ZNF462: variants seen among roughly 807,000 people sequenced by gnomAD.
ZNF462 encodes the protein zinc finger protein 462.
A neutral mutation model predicts 201.9 loss-of-function variants in ZNF462; 10 were observed. The ratio of observed to expected loss-of-function variants is 0.05; its 90% CI spans 0.03 to 0.08. The LOEUF is 0.08. Among genes scored for constraint, ZNF462 ranks in the 10% least tolerant of loss-of-function variants. ZNF462 has a pLI of 1.00. For missense variants in ZNF462, 2,523 were observed against 3,168.3 expected (o/e 0.80, Z 4.89); for synonymous variants, 1,227 against 1,193.3 (o/e 1.03, Z -0.58).
intron 1 of ZNF462, among the ~76,000 whole-genome samples, chr9:106,893,329 A>G (rs77123147): frequency 6.6e-6 from 1 of 152,332 alleles, no homozygotes; most frequent in African/African-American, 2.4e-5. Flanking sequence ...GTAGTCTTTT[A>G]AAGGAAGTTG....
At position 106,928,799 on chromosome 9, in the gene ZNF462, T is replaced by C; in HGVS notation, c.4887T>C (p.Pro1629=). ...CCGAGATGACCACTGAAGTGAGCCC[T>C]TCCCAAGTCTCCATCACTGAGGAGG... ...LEPEMTTEVS[P]SQVSITEEEV... The change falls in exon 3 of 13, where the codon CCT becomes CCC. Residue 1629 remains proline (P), a synonymous_variant. Coordinates refer to ENST00000277225, the MANE Select transcript of ZNF462 (RefSeq NM_021224.6). This position sits in a 1 kb window ranked among gnomAD's most constrained non-coding sequence, Gnocchi z 9.3. The C allele has an allele frequency of 1.2e-6, 2 of 1,614,108 alleles. No individual in the cohort carries two copies. Among genetic ancestry groups the C allele is most frequent in the Admixed American group, 3.3e-5 (2 of 60,018 alleles).
At chr9:106,864,190 G>C (rs1827222452) in intron 1 of ZNF462, among the ~76,000 whole-genome samples, 1 of 150,680 alleles carries the variant, frequency 6.6e-6, no homozygotes, top group African/African-American at 2.4e-5. Flanking sequence ...TGCTGCTGGT[G>C]AACAGAGAGG....
At chr9:106,881,132 G>T (rs750020708) in intron 1 of ZNF462, among the ~76,000 whole-genome samples, 1 of 152,170 alleles carries the variant, frequency 6.6e-6, no homozygotes, top group South Asian at 2.1e-4. Context: ...ATCTTGCTTC[G>T]TATCTTAGGA....
intron 1 of ZNF462, among the ~76,000 whole-genome samples, chr9:106,867,315 A>G (rs1827378841): frequency 6.6e-6 from 1 of 152,200 alleles, no homozygotes; most frequent in African/African-American, 2.4e-5. Flanking sequence ...TCAAAGCTCA[A>G]AGATCATTTT....
chr9:106,941,365 G>A (rs1039094505), intron 7 of ZNF462, among the ~76,000 whole-genome samples: 2 of 152,192 alleles, frequency 1.3e-5, no homozygotes, highest in African/African-American at 2.4e-5. Flanking sequence ...TCTATTTGTG[G>A]AGTGATTTCA....
rs1463574825 is a variant in ZNF462 at position 106,926,784 on chromosome 9, A to T, written c.2872A>T (p.Ile958Leu). 1.9e-6 allele frequency: 3 copies of T among 1,614,054 alleles called. No individual in the cohort carries two copies. The highest frequency in any genetic ancestry group is 1.7e-5 in the Admixed American group (1 of 60,000). ...CACGGTGAAGATCAACAACGCGATG[A>T]TATTTTCAAGCTATGTCGTGGAGCA... ...HPTVKINNAM[I>L]FSSYVVEQQE... Residue 958 changes from isoleucine (I) to leucine (L), a missense_variant, in exon 3 of 13, where the codon ATA (isoleucine) becomes TTA (leucine). By Grantham distance (5) the Ile-to-Leu change is conservative. Coordinates refer to ENST00000277225, the MANE Select transcript of ZNF462 (RefSeq NM_021224.6). This position sits in a 1 kb window ranked among gnomAD's most constrained non-coding sequence, Gnocchi z 7.9.
chr9:106,874,065 C>A (rs530244838), intron 1 of ZNF462, among the ~76,000 whole-genome samples: 50 of 152,092 alleles, frequency 3.3e-4, no homozygotes, highest in Non-Finnish European at 5.9e-4. Context: ...TCATTATCTA[C>A]CAAATTTATA....
intron 9 of ZNF462, among the ~76,000 whole-genome samples, chr9:106,982,085 A>C (rs2132227638): frequency 6.6e-6 from 1 of 152,298 alleles, no homozygotes; most frequent in Middle Eastern, 3.4e-3. Flanking sequence ...GCATGGGGGC[A>C]GTTCCCCGTG....
intron 9 of ZNF462, among the ~76,000 whole-genome samples, chr9:106,983,588 T>G (rs1312251382): frequency 2.0e-5 from 3 of 152,246 alleles, no homozygotes; most frequent in Admixed American, 6.5e-5. Flanking sequence ...TAAGCAGACC[T>G]GGTTTCACAT....
In ZNF462 at chr9:106,923,114, A is replaced by C. The variant is rs1350988754; in HGVS notation, c.-30-240A>C. ...TTTCCTTGACAAATGGCATTGGAAG[A>C]CATATCATGCTAGAAAATGTTTATC... On this transcript the variant is annotated intron_variant, in intron 1 of 12. Transcript: ENST00000277225. The surrounding 1 kb of genome is among the most constrained non-coding windows in gnomAD (Gnocchi z 5.6). 6.6e-6 allele frequency among the ~76,000 whole-genome samples: 1 copy of C among 152,232 alleles called. No homozygotes were observed. Among genetic ancestry groups the C allele is most frequent in the East Asian group, 1.9e-4 (1 of 5,198 alleles).
chr9:106,985,990 G>A (rs1827803914), intron 10 of ZNF462, among the ~76,000 whole-genome samples: 1 of 152,038 alleles, frequency 6.6e-6, no homozygotes, highest in African/African-American at 2.4e-5. Flanking sequence ...AAACTTAAGG[G>A]TAAATTACTC....
chr9:106,928,221 T>C lies in ZNF462; in HGVS notation c.4309T>C (p.Phe1437Leu), dbSNP rs147888395. Residue 1437 changes from phenylalanine (F) to leucine (L), a missense_variant, in exon 3 of 13, where the codon TTC becomes CTC. By Grantham distance (22) the Phe-to-Leu change is conservative (BLOSUM62 0). This residue lies in a region of ZNF462 where 165 missense variants were observed against 142.6 expected (regional missense o/e 1.16). Coordinates refer to ENST00000277225, the MANE Select transcript of ZNF462 (RefSeq NM_021224.6). The surrounding 1 kb of genome is among the most constrained non-coding windows in gnomAD (Gnocchi z 9.3). ...VNCENSIPTP[F>L]PEQEAECPED... Reference sequence around the variant, plus strand: ...TTGTGAAAACAGTATACCCACCCCTTTCCCGGAGCAGGAAGCTGAATGTCC... The same window carrying C: ...TTGTGAAAACAGTATACCCACCCCTCTCCCGGAGCAGGAAGCTGAATGTCC... The C allele has an allele frequency of 7.1e-5, 114 of 1,614,086 alleles. No individual in the cohort carries two copies. Among genetic ancestry groups the C allele is most frequent in the Non-Finnish European group, 9.3e-5 (110 of 1,180,008 alleles).
At chr9:106,906,634 G>C (rs1199869141) in intron 1 of ZNF462, among the ~76,000 whole-genome samples, 1 of 152,168 alleles carries the variant, frequency 6.6e-6, no homozygotes, top group Non-Finnish European at 1.5e-5. Flanking sequence ...GTCAGCAGAA[G>C]AGTCAACATT....
intron 1 of ZNF462, among the ~76,000 whole-genome samples, chr9:106,863,948 CCT>C (rs1030485409): frequency 2.7e-5 from 4 of 150,602 alleles, no homozygotes; most frequent in African/African-American, 9.8e-5. Context: ...TTTCTCTGTC[CCT>C]CTCCTTCCTT....
rs1021805959 is a variant in ZNF462, at chr9:106,981,105, T to C, written c.6833-3081T>C. On this transcript the variant is annotated intron_variant, in intron 9 of 12. Transcript: ENST00000277225. The surrounding 1 kb of genome is among the most constrained non-coding windows in gnomAD (Gnocchi z 4.0). ...AGAAAGGGGAAAAAGCTAACTTTTT[T>C]TCTAAAATTAATATCTCAGTAAAAA... is the stretch of plus-strand genomic sequence containing the variant. Among the ~76,000 whole-genome samples the C allele has an allele frequency of 2.4e-4, 37 of 152,256 alleles. No individual in the cohort carries two copies. The highest frequency in any genetic ancestry group is 1.0e-4 in the Non-Finnish European group (7 of 68,044).
intron 10 of ZNF462, among the ~76,000 whole-genome samples, chr9:106,999,888 TGTAA>T (rs1829052974): frequency 6.6e-6 from 1 of 152,134 alleles, no homozygotes; most frequent in South Asian, 2.1e-4. Flanking sequence ...GGGGTTCAGC[TGTAA>T]GTAAGACTCA....
intron 7 of ZNF462, among the ~76,000 whole-genome samples, chr9:106,944,155 T>C (rs1396362074): frequency 6.6e-6 from 1 of 152,188 alleles, no homozygotes. Context: ...CAGAGTTGCT[T>C]CTTGGAGCAA....
At chr9:106,911,118 G>T (rs1044130887) in intron 1 of ZNF462, among the ~76,000 whole-genome samples, 1 of 152,132 alleles carries the variant, frequency 6.6e-6, no homozygotes, top group Admixed American at 6.5e-5. Flanking sequence ...AAGGGAGGTA[G>T]GTATCAGTAT....
chr9:106,930,841 G>T lies in ZNF462; in HGVS notation c.6012+152G>T. ...TGGTTTGGCTTGTTTTGATTTCTTT[G>T]CAGGTTGGACCTTCCTCATCTTTCT... On this transcript the variant is annotated intron_variant, in intron 4 of 12. Transcript: ENST00000277225. This position sits in a 1 kb window ranked among gnomAD's most constrained non-coding sequence, Gnocchi z 5.8. The T allele has an allele frequency of 1.0e-6, 1 of 955,672 alleles. No homozygotes were observed. The allele number at this position is 955,672 out of a possible 1,614,324, so 59.2% of individuals were successfully genotyped here. A position where few individuals can be genotyped will look rare whatever the true frequency, so the allele number is the denominator to read the frequency against.
Sources: gnomAD v4.1 joint callset for allele counts (sites outside exome capture counted in the v4.1 genomes callset) on GRCh38, gnomAD v4.1.1 for gene constraint, gnomAD v4.1.1 regional missense constraint, Gnocchi (gnomAD v3.1) non-coding constraint, MANE v1.5 for transcripts, NCBI Gene and HGNC (gene_info 2026-07-23, HGNC 2026-07-21) for gene names.